The following CEP128 variants were observed in gnomAD, a reference collection of about 807,000 sequenced individuals.
CEP128 encodes the protein centrosomal protein 128kDa.
A neutral mutation model predicts 156.7 loss-of-function variants in CEP128; 132 were observed. That is an observed-to-expected ratio of 0.84 (90% CI 0.73 to 0.97). The LOEUF (loss-of-function observed/expected upper bound fraction) is 0.97, where lower values mean the gene tolerates loss of function less well. CEP128 is among the 50% of genes least tolerant of loss of function. The pLI is 0.00. For missense variants in CEP128, 1,252 were observed against 1,281.9 expected, an observed-to-expected ratio of 0.98 and a Z score of 0.36; for synonymous variants, 469 against 448.9, an observed-to-expected ratio of 1.04 and a Z score of -0.57.
intron 21 of CEP128, among the ~76,000 whole-genome samples, chr14:80,550,520 C>T (rs183143624): frequency 1.8e-4 from 27 of 151,998 alleles, no homozygotes; most frequent in Admixed American, 3.3e-4. Flanking sequence ...ACCATTTATC[C>T]ACTTATAAAA....
chr14:80,527,185 T>G, intron 22 of CEP128: 1 of 556,200 alleles, frequency 1.8e-6, no homozygotes, highest in Non-Finnish European at 3.3e-6. Context: ...TCCCAGCACT[T>G]TAGGAGGCCA....
chr14:80,583,512 C>G (rs1891677293), intron 19 of CEP128, among the ~76,000 whole-genome samples: 1 of 152,134 alleles, frequency 6.6e-6, no homozygotes, highest in Non-Finnish European at 1.5e-5. Flanking sequence ...TAAGCAACAC[C>G]AGAGGTGTCC....
chr14:80,598,708 C>T (rs1332738306), intron 19 of CEP128, among the ~76,000 whole-genome samples: 2 of 151,784 alleles, frequency 1.3e-5, no homozygotes, highest in African/African-American at 4.8e-5. Context: ...ATAAGTATAC[C>T]CAATTTCTAG....
chr14:80,628,927 G>A (rs1489597656), intron 19 of CEP128, among the ~76,000 whole-genome samples: 2 of 152,092 alleles, frequency 1.3e-5, no homozygotes, highest in African/African-American at 4.8e-5. Flanking sequence ...GACAGATGGT[G>A]GGGTAAGCGT....
chr14:80,747,742 G>A (rs1899178139), intron 18 of CEP128, among the ~76,000 whole-genome samples: 2 of 152,194 alleles, frequency 1.3e-5, no homozygotes, highest in Admixed American at 6.5e-5. Flanking sequence ...AGGAGGCAGA[G>A]GTTGCAGTGA....
chr14:80,761,676 T>G lies in CEP128; in HGVS notation c.2377-63A>C, dbSNP rs1566899986. 53 of 1,193,272 alleles carry G rather than the reference T, an allele frequency of 4.4e-5. No individual in the cohort carries two copies. In the South Asian group the frequency reaches 8.5e-4, roughly 19 times the overall value. 73.9% of individuals were successfully genotyped at this position (1,193,272 alleles called of 1,614,324 possible). A position where few individuals can be genotyped will look rare whatever the true frequency, so the allele number is the denominator to read the frequency against. On this transcript the variant is annotated intron_variant, in intron 16 of 24. Transcript: ENST00000555265. ...TTAAGTGGAGGCAAGAAAATACTTG[T>G]AATATCTGTTCAACCAACTAGAAGT...
At chr14:80,833,415 A>G (rs994369883) in intron 12 of CEP128, among the ~76,000 whole-genome samples, 1 of 151,922 alleles carries the variant, frequency 6.6e-6, no homozygotes, top group Non-Finnish European at 1.5e-5. Context: ...ATCTATACAT[A>G]CATACACATG....
chr14:80,648,861 C>G (rs191531417), intron 19 of CEP128, among the ~76,000 whole-genome samples: 2 of 151,888 alleles, frequency 1.3e-5, no homozygotes, highest in African/African-American at 4.8e-5. Flanking sequence ...AAAGGTAACA[C>G]CTAATTTCAG....
intron 13 of CEP128, among the ~76,000 whole-genome samples, chr14:80,794,029 G>C (rs1901856741): frequency 6.6e-6 from 1 of 152,118 alleles, no homozygotes; most frequent in Admixed American, 6.5e-5. Flanking sequence ...AGTCACATAA[G>C]CTGACCCTCC....
At chr14:80,813,362 C>T (rs967698294) in intron 13 of CEP128, among the ~76,000 whole-genome samples, 15 of 151,994 alleles carry the variant, frequency 9.9e-5, no homozygotes, top group Non-Finnish European at 2.1e-4. Context: ...ACATTTAAGT[C>T]CTTAATCCAT....
chr14:80,564,855 C>CT (rs1422794564), intron 20 of CEP128, among the ~76,000 whole-genome samples: 8 of 152,022 alleles, frequency 5.3e-5, no homozygotes. Flanking sequence ...GATCAGGAGT[C>CT]TGAGACGAGC....
intron 23 of CEP128, among the ~76,000 whole-genome samples, chr14:80,515,534 T>C (rs1245561747): frequency 1.3e-5 from 2 of 152,258 alleles, no homozygotes; most frequent in East Asian, 1.9e-4. Flanking sequence ...CTCAAACAAC[T>C]GTCAACCAGA....
intron 19 of CEP128, among the ~76,000 whole-genome samples, chr14:80,625,829 CCTT>C (rs1893691866): frequency 1.3e-5 from 2 of 148,570 alleles, no homozygotes; most frequent in South Asian, 4.3e-4. Context: ...CTTTTTTCTC[CCTT>C]CTTTCTTTTT....
chr14:80,541,643 C>T (rs1389625830), intron 21 of CEP128, among the ~76,000 whole-genome samples: 1 of 152,014 alleles, frequency 6.6e-6, no homozygotes, highest in South Asian at 2.1e-4. Flanking sequence ...CACAATCTTA[C>T]CCTTATCTAA....
At position 80,585,972 on chromosome 14, in the gene CEP128, A is replaced by G. The variant is rs1041557033; in HGVS notation, c.2807-5549T>C. 3.3e-5 allele frequency among the ~76,000 whole-genome samples: 5 copies of G among 152,146 alleles called. No individual in the cohort carries two copies. The South Asian group carries it at 1.0e-3, about 32-fold the overall frequency. ...GATGGACTTAGCCTTCTATTATTCC[A>G]TTCCAGATACTCAAGACATTAGCTA... On this transcript the variant is annotated intron_variant, in intron 19 of 24. Coordinates refer to ENST00000555265, the MANE Select transcript of CEP128 (RefSeq NM_152446.5).
intron 2 of CEP128, among the ~76,000 whole-genome samples, chr14:80,930,217 C>T (rs185048499): frequency 4.5e-4 from 68 of 152,268 alleles, no homozygotes; most frequent in East Asian, 7.7e-4. Context: ...GCCCAGAGAC[C>T]GTAGTAAATC....
intron 20 of CEP128, among the ~76,000 whole-genome samples, chr14:80,574,019 A>G (rs1891255158): frequency 6.6e-6 from 1 of 152,228 alleles, no homozygotes; most frequent in African/African-American, 2.4e-5. Flanking sequence ...ATACGTGGGT[A>G]TGCATTACAT....
At chr14:80,656,307 A>ATT (rs1555387567) in intron 19 of CEP128, among the ~76,000 whole-genome samples, 2 of 13,130 alleles carry the variant, frequency 1.5e-4, no homozygotes, top group African/African-American at 6.5e-4. Context: ...ATATATATAT[A>ATT]TATATATATA....
rs543619825 is a variant in CEP128, at chr14:80,877,245, C to CA, written c.646-14373dup. On this transcript the variant is annotated intron_variant, in intron 8 of 24. Coordinates refer to ENST00000555265, the MANE Select transcript of CEP128 (RefSeq NM_152446.5). ...TAATAAAAACGAAAAAAAACACACACAAAAAATGGAAATATAGTAAGTGGG... is the reference window on the plus strand; with the variant it reads ...TAATAAAAACGAAAAAAAACACACACAAAAAAATGGAAATATAGTAAGTGGG... 1.9e-4 allele frequency among the ~76,000 whole-genome samples: 28 copies of CA among 151,232 alleles called. No individual in the cohort carries two copies. The South Asian group carries it at 5.5e-3, about 29-fold the overall frequency.
Sources: gnomAD v4.1 joint callset for allele counts (sites outside exome capture counted in the v4.1 genomes callset) on GRCh38, gnomAD v4.1.1 for gene constraint, MANE v1.5 for transcripts, NCBI Gene and HGNC (gene_info 2026-07-23, HGNC 2026-07-21) for gene names.